Variants in IL1RAPL1 observed in about 807,000 individuals in gnomAD.
IL1RAPL1 encodes the protein interleukin 1 receptor accessory protein like 1.
In IL1RAPL1, 3 loss-of-function variants were observed where a neutral mutation model predicts 48.4. That is an observed-to-expected ratio of 0.06 (90% CI 0.03 to 0.16). The LOEUF (loss-of-function observed/expected upper bound fraction) is 0.16, where lower values mean the gene tolerates loss of function less well. Among genes scored for constraint, IL1RAPL1 ranks in the 10% least tolerant of loss-of-function variants. IL1RAPL1 has a pLI of 1.00. For missense variants in IL1RAPL1, 349 were observed against 530.6 expected, an observed-to-expected ratio of 0.66 and a Z score of 3.36; for synonymous variants, 185 against 187.7, an observed-to-expected ratio of 0.99 and a Z score of 0.12.
intron 5 of IL1RAPL1, among the ~76,000 whole-genome samples, chrX:29,633,054 G>A (rs967868078): frequency 1.4e-4 from 16 of 111,069 alleles, no homozygotes; most frequent in Non-Finnish European, 3.0e-4. Flanking sequence ...CAATATACAC[G>A]AGTATGTTCA....
chrX:29,472,716 CACTTA>C (rs1406993289), intron 5 of IL1RAPL1, among the ~76,000 whole-genome samples: 2 of 111,834 alleles, frequency 1.8e-5, no homozygotes, highest in African/African-American at 6.5e-5. Context: ...TTGGAGAAGT[CACTTA>C]ACCTTTCTGT....
chrX:29,014,989 C>A (rs1241349462), intron 2 of IL1RAPL1, among the ~76,000 whole-genome samples: 2 of 110,884 alleles, frequency 1.8e-5, no homozygotes, highest in Non-Finnish European at 3.8e-5. Flanking sequence ...CATGAGTTTT[C>A]TGAATAGTCT....
At chrX:29,045,939 TCTTCCTCCTCCTCCTCCTCCTCCTC>T (rs1926953219) in intron 2 of IL1RAPL1, among the ~76,000 whole-genome samples, 1 of 36,633 alleles carries the variant, frequency 2.7e-5, no homozygotes, top group Admixed American at 4.2e-4. Context: ...TCCTCCTCCT[TCTTCCTCCTCCTCCTCCTCCTCCTC>T]CTTCTTCTCC....
intron 2 of IL1RAPL1, chrX:28,982,795 C>T (rs1046884557): frequency 2.7e-5 from 3 of 111,214 alleles, no homozygotes; most frequent in Non-Finnish European, 5.6e-5. Context: ...AGTTCTTAAA[C>T]GTATCAGCAA....
intron 1 of IL1RAPL1, among the ~76,000 whole-genome samples, chrX:28,614,734 C>T (rs1427798074): frequency 9.0e-6 from 1 of 111,353 alleles, no homozygotes; most frequent in East Asian, 2.8e-4. Flanking sequence ...TTTAGTGCTT[C>T]GAATATTGAC....
chrX:29,695,059 A>T (rs183435948), intron 6 of IL1RAPL1, among the ~76,000 whole-genome samples: 4 of 112,196 alleles, frequency 3.6e-5, no homozygotes, highest in Admixed American at 2.8e-4. Flanking sequence ...TTAAGTGGTT[A>T]CAATGAAGAA....
intron 5 of IL1RAPL1, among the ~76,000 whole-genome samples, chrX:29,560,497 G>A (rs937801299): frequency 2.7e-5 from 3 of 111,314 alleles, no homozygotes; most frequent in African/African-American, 9.8e-5. Context: ...TGGAACTCCC[G>A]TAGTGAATGT....
At chrX:29,646,184 A>G (rs976329584) in intron 5 of IL1RAPL1, among the ~76,000 whole-genome samples, 5 of 112,359 alleles carry the variant, frequency 4.5e-5, no homozygotes, top group African/African-American at 1.6e-4. Context: ...AAGAAAATAA[A>G]GAGAAATAAT....
intron 5 of IL1RAPL1, among the ~76,000 whole-genome samples, chrX:29,518,784 G>A (rs1048193842): frequency 1.6e-4 from 18 of 111,713 alleles, no homozygotes; most frequent in African/African-American, 5.9e-4. Flanking sequence ...TCCAGAATTC[G>A]GAGCAGGGAG....
chrX:28,615,157 A>G (rs961920441), intron 1 of IL1RAPL1, among the ~76,000 whole-genome samples: 11 of 94,608 alleles, frequency 1.2e-4, no homozygotes, highest in African/African-American at 1.6e-4. Flanking sequence ...TAAAGTGCTG[A>G]GATTACAGGT....
intron 2 of IL1RAPL1, among the ~76,000 whole-genome samples, chrX:29,091,412 T>C (rs912901441): frequency 8.9e-5 from 10 of 112,011 alleles, no homozygotes; most frequent in African/African-American, 3.2e-4. Context: ...GTTACTGTAA[T>C]TTCTAAGCAC....
chrX:29,854,508 G>A (rs1017328591), intron 6 of IL1RAPL1, among the ~76,000 whole-genome samples: 11 of 111,392 alleles, frequency 9.9e-5, no homozygotes. Context: ...ATTCCACCTA[G>A]TCGTCAGAAT....
At chrX:28,857,167 G>A (rs1347224466) in intron 2 of IL1RAPL1, among the ~76,000 whole-genome samples, 1 of 112,060 alleles carries the variant, frequency 8.9e-6, no homozygotes, top group African/African-American at 3.2e-5. Flanking sequence ...GCAATTCTAA[G>A]AAGTGAGGAA....
intron 1 of IL1RAPL1, among the ~76,000 whole-genome samples, chrX:28,719,725 A>G (rs1403122646): frequency 2.7e-5 from 3 of 110,929 alleles, no homozygotes; most frequent in African/African-American, 9.8e-5. Context: ...AGACAATTCA[A>G]TTTTCCCAGC....
intron 6 of IL1RAPL1, among the ~76,000 whole-genome samples, chrX:29,673,475 G>T (rs1231201744): frequency 9.0e-6 from 1 of 111,129 alleles, no homozygotes; most frequent in Non-Finnish European, 1.9e-5. Context: ...GATTTTACCG[G>T]ATCATAGAGC....
At chrX:29,310,093 C>CAAAAAAAAAAAAAAA (rs57210050) in intron 3 of IL1RAPL1, among the ~76,000 whole-genome samples, 1 of 23,736 alleles carries the variant, frequency 4.2e-5, no homozygotes, top group African/African-American at 1.9e-4. Flanking sequence ...GACTCCGTCT[C>CAAAAAAAAAAAAAAA]AAAAAAAAAA....
At chrX:29,270,022 A>G (rs1355809971) in intron 2 of IL1RAPL1, among the ~76,000 whole-genome samples, 1 of 111,146 alleles carries the variant, frequency 9.0e-6, no homozygotes, top group East Asian at 2.8e-4. Flanking sequence ...AACAGTATGT[A>G]CTCTGTTTTG....
At chrX:28,876,909 A>G (rs1447091973) in intron 2 of IL1RAPL1, among the ~76,000 whole-genome samples, 2 of 112,057 alleles carry the variant, frequency 1.8e-5, no homozygotes, top group Non-Finnish European at 3.8e-5. Flanking sequence ...AGGAATGAGG[A>G]GTACAGACCA....
chrX:29,891,935 CA>C (rs759925554), intron 6 of IL1RAPL1, among the ~76,000 whole-genome samples: 1 of 111,969 alleles, frequency 8.9e-6, no homozygotes, highest in Non-Finnish European at 1.9e-5. Context: ...CATACTCTCA[CA>C]GATTTAAAAC....
Sources: gnomAD v4.1 joint callset for allele counts (sites outside exome capture counted in the v4.1 genomes callset) on GRCh38, gnomAD v4.1.1 for gene constraint, MANE v1.5 for transcripts, NCBI Gene and HGNC (gene_info 2026-07-23, HGNC 2026-07-21) for gene names.